SLC30A6: variants seen among roughly 807,000 people sequenced by gnomAD.
SLC30A6 encodes solute carrier family 30 member 6.
A neutral mutation model predicts 63.0 loss-of-function variants in SLC30A6; 55 were observed. The ratio of observed to expected loss-of-function variants is 0.87; its 90% CI spans 0.70 to 1.09. The LOEUF (loss-of-function observed/expected upper bound fraction) is 1.09. SLC30A6 is among the 50% of genes least tolerant of loss of function. The probability of loss-of-function intolerance (pLI) is 0.00; values close to 1 mark genes in which losing one functional copy is unlikely to be tolerated. For synonymous variants in SLC30A6, 224 were observed against 186.1 expected (o/e 1.20, Z -1.66); for missense variants, 587 against 549.2 (o/e 1.07, Z -0.69).
In SLC30A6 at chr2:32,224,365, C is replaced by G. The variant is rs779265141; in HGVS notation, c.*3652C>G. On this transcript the variant is annotated 3_prime_UTR_variant, in exon 14 of 14. Transcript: ENST00000282587. Reference sequence around the variant, plus strand: ...TGTTTTTAATCATCAAATTAAACTTCTTTCCACGTCCTTATCTTCTTTGGC... The same window carrying G: ...TGTTTTTAATCATCAAATTAAACTTGTTTCCACGTCCTTATCTTCTTTGGC... 1.9e-5 allele frequency: 14 copies of G among 752,000 alleles called. No homozygotes were observed. The highest frequency in any genetic ancestry group is 3.0e-5 in the Non-Finnish European group (14 of 467,544). The allele number at this position is 752,000 out of a possible 1,614,324, so 46.6% of individuals were successfully genotyped here. A position where few individuals can be genotyped will look rare whatever the true frequency, so the allele number is the denominator to read the frequency against.
chr2:32,206,969 A>C (rs1684828035), intron 12 of SLC30A6, 36 bp downstream of exon 12: 1 of 1,487,882 alleles, frequency 6.7e-7, no homozygotes, highest in Non-Finnish European at 9.4e-7. Flanking sequence ...ATTTTATTTT[A>C]TATCAGGGAA....
chr2:32,204,514 T>G (rs569914758), intron 10 of SLC30A6, 76 bp from the exon 11 acceptor site: 3 of 920,448 alleles, frequency 3.3e-6, no homozygotes, highest in East Asian at 5.5e-5. Context: ...TTTAGATAAT[T>G]AATGTTCAGG....
chr2:32,174,381 T>C (rs753628741), intron 3 of SLC30A6, among the ~76,000 whole-genome samples: 5 of 151,984 alleles, frequency 3.3e-5, no homozygotes, highest in Non-Finnish European at 5.9e-5. Flanking sequence ...AAAACAGAAA[T>C]GGGGTTTCGC....
Position 32,220,539 on chromosome 2 carries a change from A to T in SLC30A6, c.1212A>T (p.Thr404=). 1 of 1,614,228 alleles carries T rather than the reference A, an allele frequency of 6.2e-7. No homozygotes were observed. The change falls in exon 14 of 14, where the codon ACA becomes ACT. Residue 404 remains threonine (T), a synonymous_variant. Transcript: ENST00000282587. ...KNVNPVILLN[T]QTRPYGFGLN... ...TGAACCCAGTTATTCTTCTAAACAC[A>T]CAAACAAGGCCTTATGGTTTTGGTC...
chr2:32,186,598 A>G (rs1009588839), intron 5 of SLC30A6, among the ~76,000 whole-genome samples: 2 of 152,116 alleles, frequency 1.3e-5, no homozygotes, highest in Non-Finnish European at 2.9e-5. Flanking sequence ...AGGCTGAGGC[A>G]GGAGAATCAC....
chr2:32,220,984 C>T lies in SLC30A6; in HGVS notation c.*271C>T. ...TTGGTATCTTTGGTTTTGTAGTTGA[C>T]TGCAGTGTGATGTGACCTTACCTTT... is the stretch of plus-strand genomic sequence containing the variant. On this transcript the variant is annotated 3_prime_UTR_variant, in exon 14 of 14. Transcript: ENST00000282587. 1 of 381,604 alleles carries T rather than the reference C, an allele frequency of 2.6e-6. No individual in the cohort carries two copies. The highest frequency in any genetic ancestry group is 4.8e-6 in the Non-Finnish European group (1 of 206,868). The allele number at this position is 381,604 out of a possible 1,614,324, so 23.6% of individuals were successfully genotyped here.
intron 10 of SLC30A6, among the ~76,000 whole-genome samples, chr2:32,199,080 A>G (rs1319830250): frequency 1.3e-5 from 2 of 152,202 alleles, no homozygotes; most frequent in Non-Finnish European, 2.9e-5. Flanking sequence ...ATGAAATCAT[A>G]TAATATTTGT....
intron 13 of SLC30A6, among the ~76,000 whole-genome samples, chr2:32,213,231 T>A (rs1685411436): frequency 6.6e-6 from 1 of 151,952 alleles, no homozygotes; most frequent in Non-Finnish European, 1.5e-5. Flanking sequence ...TATCTGAACT[T>A]CTTCTGTCCT....
chr2:32,181,726 G>A (rs1343302017), intron 4 of SLC30A6, among the ~76,000 whole-genome samples: 2 of 151,908 alleles, frequency 1.3e-5, no homozygotes, highest in Non-Finnish European at 2.9e-5. Flanking sequence ...AAATGAGGTG[G>A]GCATGGTGGC....
chr2:32,209,501 C>G lies in SLC30A6; in HGVS notation c.825C>G (p.Thr275=). 2 of 1,611,838 alleles carry G rather than the reference C, an allele frequency of 1.2e-6. No homozygotes were observed. Residue 275 remains threonine (T), a synonymous_variant, in exon 13 of 14, where the codon ACC becomes ACG. Coordinates refer to ENST00000282587, the MANE Select transcript of SLC30A6 (RefSeq NM_017964.5). ...CTTTCTGTTTTTGGTAGGTATCTAC[C>G]TTAGATGGAGTTTTAGAAGTCCGAA... ...QLDKLIREVS[T]LDGVLEVRNE...
chr2:32,184,284 G>T lies in SLC30A6; in HGVS notation c.230G>T (p.Cys77Phe). ...TTCTTTTTACTTAGTTTAATGACAT[G>T]TTTAATAAGTTACTGGGTAACATTG... Reference protein sequence around the residue: ...TIFDLFSLMTCLISYWVTLRK... With the variant: ...TIFDLFSLMTFLISYWVTLRK... Residue 77 changes from cysteine to phenylalanine, a missense_variant, in exon 5 of 14, where the codon TGT (cysteine) becomes TTT (phenylalanine). Coordinates refer to ENST00000282587, the MANE Select transcript of SLC30A6 (RefSeq NM_017964.5). 6.5e-7 allele frequency: 1 copy of T among 1,540,348 alleles called. No individual in the cohort carries two copies. The highest frequency in any genetic ancestry group is 8.8e-7 in the Non-Finnish European group (1 of 1,136,722).
intron 5 of SLC30A6, among the ~76,000 whole-genome samples, chr2:32,185,085 G>C (rs1039174280): frequency 2.0e-5 from 3 of 152,106 alleles, no homozygotes; most frequent in Admixed American, 6.5e-5. Context: ...CATAATTACT[G>C]AGGCCAGGTG....
intron 10 of SLC30A6, among the ~76,000 whole-genome samples, chr2:32,199,920 G>C (rs374782196): frequency 6.6e-6 from 1 of 152,094 alleles, no homozygotes. Context: ...TTCAAGACCA[G>C]CCTGGCCAAC....
chr2:32,174,045 T>G lies in SLC30A6; in HGVS notation c.91-18T>G. On this transcript the variant is annotated intron_variant, in intron 2 of 13. Coordinates refer to ENST00000282587, the MANE Select transcript of SLC30A6 (RefSeq NM_017964.5). ...TTTATCACTTCTGTACACATAAGAG[T>G]GATTTTTATTTTCACAGTCCTGGAA... 1.3e-6 allele frequency: 2 copies of G among 1,598,674 alleles called. No individual in the cohort carries two copies. Among genetic ancestry groups the G allele is most frequent in the Non-Finnish European group, 1.7e-6 (2 of 1,168,338 alleles).
intron 5 of SLC30A6, among the ~76,000 whole-genome samples, chr2:32,189,685 TGCA>T (rs978376585): frequency 6.4e-5 from 9 of 140,282 alleles, no homozygotes; most frequent in South Asian, 2.4e-4. Context: ...CATAGCTCAT[TGCA>T]GCCTTCAACA....
At position 32,221,487 on chromosome 2, in the gene SLC30A6, T is replaced by C. The variant is rs1356612052; in HGVS notation, c.*774T>C. 1 of 152,210 alleles carries C rather than the reference T, an allele frequency of 6.6e-6. No homozygotes were observed. The highest frequency in any genetic ancestry group is 1.5e-5 in the Non-Finnish European group (1 of 68,046). The allele number at this position is 152,210 out of a possible 1,614,324, so 9.4% of individuals were successfully genotyped here. On this transcript the variant is annotated 3_prime_UTR_variant, in exon 14 of 14. Coordinates refer to ENST00000282587, the MANE Select transcript of SLC30A6 (RefSeq NM_017964.5). ...TTTTCTTTAATGAAATTTATAAATA[T>C]GCTTCTTGAATAATACACATTTTGG...
At chr2:32,201,879 G>GGA (rs1394574505) in intron 10 of SLC30A6, 22 of 1,449,816 alleles carry the variant, frequency 1.5e-5, no homozygotes, top group Non-Finnish European at 1.8e-5. Context: ...CAGATTACCT[G>GGA]GATGCTCCCA....
Position 32,180,507 on chromosome 2 carries a change from C to T in SLC30A6, c.219-3766C>T, listed in dbSNP as rs557400849. ...ACAGTGGCACGATCTTGGCTCACTGCATGCAGCCTCCACCTCCCGGTCTCA... is the reference window on the plus strand; with the variant it reads ...ACAGTGGCACGATCTTGGCTCACTGTATGCAGCCTCCACCTCCCGGTCTCA... On this transcript the variant is annotated intron_variant, in intron 4 of 13. Coordinates refer to ENST00000282587, the MANE Select transcript of SLC30A6 (RefSeq NM_017964.5). 2.3e-3 allele frequency among the ~76,000 whole-genome samples: 352 copies of T among 152,240 alleles called. 4 individuals carry two copies. The highest frequency in any genetic ancestry group is 3.4e-3 in the Middle Eastern group (1 of 294).
intron 8 of SLC30A6, among the ~76,000 whole-genome samples, chr2:32,195,015 A>T (rs1683652907): frequency 6.6e-6 from 1 of 151,156 alleles, no homozygotes; most frequent in Non-Finnish European, 1.5e-5. Flanking sequence ...TTTCTATGTT[A>T]TTCCTTCCAC....
Sources: allele counts gnomAD v4.1 joint callset (sites outside exome capture counted in the v4.1 genomes callset), GRCh38; gene constraint gnomAD v4.1.1; transcripts MANE v1.5; gene names NCBI Gene and HGNC (gene_info 2026-07-23, HGNC 2026-07-21).